The following HOMER1 variants were observed in gnomAD, a reference collection of about 807,000 sequenced individuals.
HOMER1 encodes homer scaffold protein 1.
Under a neutral mutation model 48.9 loss-of-function variants are expected in HOMER1, and 3 were observed. The ratio of observed to expected loss-of-function variants is 0.06; its 90% CI spans 0.03 to 0.16. The LOEUF is 0.16. Among genes scored for constraint, HOMER1 ranks in the 10% least tolerant of loss-of-function variants. The probability of loss-of-function intolerance (pLI) is 1.00; values close to 1 mark genes in which losing one functional copy is unlikely to be tolerated. For synonymous variants in HOMER1, 134 were observed against 146.4 expected (o/e 0.92, Z 0.61); for missense variants, 247 against 411.4 (o/e 0.60, Z 3.46).
chr5:79,403,130 T>G (rs1468936001), intron 5 of HOMER1, among the ~76,000 whole-genome samples: 1 of 152,184 alleles, frequency 6.6e-6, no homozygotes, highest in Non-Finnish European at 1.5e-5. Context: ...TTCCTAACTT[T>G]CCAATGAAGA....
At chr5:79,391,150 T>G (rs797004389) in intron 8 of HOMER1, among the ~76,000 whole-genome samples, 2 of 123,112 alleles carry the variant, frequency 1.6e-5, no homozygotes, top group African/African-American at 6.8e-5. Context: ...TTGTTTTTTT[T>G]TTTTTTGAGA....
chr5:79,434,311 CT>C (rs1280565647), intron 5 of HOMER1, among the ~76,000 whole-genome samples: 2 of 151,308 alleles, frequency 1.3e-5, no homozygotes, highest in Admixed American at 6.6e-5. Context: ...TTTTCAGTGG[CT>C]TTAAATCTTT....
chr5:79,440,974 A>G (rs1750720672), intron 4 of HOMER1, among the ~76,000 whole-genome samples: 1 of 152,122 alleles, frequency 6.6e-6, no homozygotes, highest in South Asian at 2.1e-4. Context: ...CCTGGCTGAC[A>G]TGATGAAACC....
chr5:79,423,166 T>C (rs564926530), intron 5 of HOMER1, among the ~76,000 whole-genome samples: 4 of 152,290 alleles, frequency 2.6e-5, no homozygotes, highest in African/African-American at 4.8e-5. Context: ...AATGGCATAA[T>C]TGACTTCACT....
At chr5:79,436,659 C>T (rs1282273737) in intron 5 of HOMER1, among the ~76,000 whole-genome samples, 1 of 152,166 alleles carries the variant, frequency 6.6e-6, no homozygotes. Flanking sequence ...CAGAAAGCCA[C>T]GAATGGCCTA....
In HOMER1 at chr5:79,512,783, A is replaced by T; in HGVS notation, c.-9T>A. 6.2e-7 allele frequency: 1 copy of T among 1,613,658 alleles called. No homozygotes were observed. Among genetic ancestry groups the T allele is most frequent in the Non-Finnish European group, 8.5e-7 (1 of 1,179,680 alleles). ...AAAAATCCTTACCCCATTTTGCCCA[A>T]TGAAAACTTGCTCTGAAGTTTCAGC... On this transcript the variant is annotated 5_prime_UTR_variant, in exon 1 of 9. The change creates a new upstream start codon in the 5' untranslated region. Coordinates refer to ENST00000334082, the MANE Select transcript of HOMER1 (RefSeq NM_004272.5).
At chr5:79,379,864 G>A (rs1029348055) in intron 8 of HOMER1, among the ~76,000 whole-genome samples, 1 of 152,110 alleles carries the variant, frequency 6.6e-6, no homozygotes. Flanking sequence ...GAGAGGCATT[G>A]TTCAGCCCTG....
At chr5:79,415,881 A>T (rs4458556) in intron 5 of HOMER1, among the ~76,000 whole-genome samples, 73,574 of 152,126 alleles carry the variant, frequency 0.48, 21,391 homozygotes, top group African/African-American at 0.81. Flanking sequence ...CATTTAATAG[A>T]TATGGGCCTT....
At chr5:79,386,272 T>A (rs886733835) in intron 8 of HOMER1, among the ~76,000 whole-genome samples, 1 of 152,188 alleles carries the variant, frequency 6.6e-6, no homozygotes, top group Non-Finnish European at 1.5e-5. Flanking sequence ...CAATGGAATA[T>A]TATTCAGCCT....
chr5:79,485,192 T>C (rs576433868), intron 1 of HOMER1, among the ~76,000 whole-genome samples: 1 of 152,348 alleles, frequency 6.6e-6, no homozygotes, highest in African/African-American at 2.4e-5. Context: ...CTGAGAGTAC[T>C]AAACATTTCT....
rs1055937553 is a variant in HOMER1, at chr5:79,504,482, A to G, written c.5+8288T>C. On this transcript the variant is annotated intron_variant, in intron 1 of 8. Coordinates refer to ENST00000334082, the MANE Select transcript of HOMER1 (RefSeq NM_004272.5). ...ACTTAAATATTATAATAGGTTCAAA[A>G]TATTTGTCCCATATACATTTAGGAA... is the stretch of plus-strand genomic sequence containing the variant. Among the ~76,000 whole-genome samples, 5 of 152,082 alleles carry G rather than the reference A, an allele frequency of 3.3e-5. No homozygotes were observed. The South Asian group carries it at 1.0e-3, about 32-fold the overall frequency.
intron 1 of HOMER1, among the ~76,000 whole-genome samples, chr5:79,475,356 G>A (rs1440486485): frequency 2.7e-4 from 41 of 150,718 alleles, no homozygotes; most frequent in Admixed American, 2.7e-3. Flanking sequence ...CTGACAGTTC[G>A]TCGCTGTCAC....
In HOMER1 at chr5:79,373,026, G is replaced by C. The variant is rs183134124; in HGVS notation, c.*2983C>G. The C allele has an allele frequency of 6.6e-6, 1 of 152,220 alleles. No homozygotes were observed. Among genetic ancestry groups the C allele is most frequent in the East Asian group, 1.9e-4 (1 of 5,180 alleles). The allele number at this position is 152,220 out of a possible 1,614,324, so 9.4% of individuals were successfully genotyped here. A position where few individuals can be genotyped will look rare whatever the true frequency, so the allele number is the denominator to read the frequency against. ...GATGCAACTTCGTGAGCATGTTTTA[G>C]TCTGCAGAAAGAAAGTGGAAAAGAG... On this transcript the variant is annotated 3_prime_UTR_variant, in exon 9 of 9. Transcript: ENST00000334082.
chr5:79,448,923 C>T (rs1750956896), intron 3 of HOMER1, among the ~76,000 whole-genome samples: 1 of 151,446 alleles, frequency 6.6e-6, no homozygotes, highest in South Asian at 2.1e-4. Context: ...ACTAGATTTA[C>T]CACCAGTAAG....
At chr5:79,482,408 C>T (rs548545571) in intron 1 of HOMER1, among the ~76,000 whole-genome samples, 28 of 152,106 alleles carry the variant, frequency 1.8e-4, no homozygotes, top group African/African-American at 6.5e-4. Context: ...ATTAAAACTA[C>T]AGTCTACATG....
intron 5 of HOMER1, among the ~76,000 whole-genome samples, chr5:79,419,457 T>C (rs184556602): frequency 2.6e-5 from 4 of 152,200 alleles, no homozygotes; most frequent in South Asian, 4.1e-4. Context: ...ATATACATTA[T>C]GGTCACCCAT....
At chr5:79,415,769 G>A (rs960618796) in intron 5 of HOMER1, among the ~76,000 whole-genome samples, 7 of 152,036 alleles carry the variant, frequency 4.6e-5, no homozygotes, top group Non-Finnish European at 7.4e-5. Context: ...TCTGAGTTTC[G>A]AAGAATTTTA....
At chr5:79,404,813 C>T (rs1047386504) in intron 5 of HOMER1, among the ~76,000 whole-genome samples, 2 of 152,010 alleles carry the variant, frequency 1.3e-5, no homozygotes, top group Non-Finnish European at 2.9e-5. Context: ...AAGCGATTCT[C>T]CTGCCTCAGC....
At chr5:79,404,166 T>C (rs1341516565) in intron 5 of HOMER1, among the ~76,000 whole-genome samples, 2 of 152,218 alleles carry the variant, frequency 1.3e-5, no homozygotes, top group Non-Finnish European at 2.9e-5. Context: ...TACATGTCAA[T>C]AGCAAACACC....
Sources: allele counts gnomAD v4.1 joint callset (sites outside exome capture counted in the v4.1 genomes callset), GRCh38; gene constraint gnomAD v4.1.1; transcripts MANE v1.5; gene names NCBI Gene and HGNC (gene_info 2026-07-23, HGNC 2026-07-21).